Variants in OR8B3 observed in about 807,000 individuals in gnomAD.
OR8B3 encodes the protein olfactory receptor 8B3.
For synonymous variants in OR8B3, 102 were observed against 135.4 expected (o/e 0.75, Z 1.71); for missense variants, 278 against 377.6 (o/e 0.74, Z 2.19).
upstream of OR8B3, among the ~76,000 whole-genome samples, chr11:124,400,571 C>G (rs1199337009): frequency 6.6e-6 from 1 of 152,080 alleles, no homozygotes; most frequent in Admixed American, 6.6e-5. Context: ...CCAGGTCTCA[C>G]TCTGTCACCC....
At chr11:124,401,213 G>A (rs1044405215), upstream of OR8B3, among the ~76,000 whole-genome samples, 24 of 43,642 alleles carry the variant, frequency 5.5e-4, no homozygotes, top group Middle Eastern at 0.012. Flanking sequence ...TAGGGGAAAT[G>A]CAAAGAGACA....
At chr11:124,399,519 A>C (rs1291706945), upstream of OR8B3, among the ~76,000 whole-genome samples, 2 of 151,972 alleles carry the variant, frequency 1.3e-5, no homozygotes, top group African/African-American at 4.8e-5. Flanking sequence ...AAAAATCACT[A>C]TTCATGGGCC....
chr11:124,402,203 G>T (rs904137179), upstream of OR8B3, among the ~76,000 whole-genome samples: 3 of 152,106 alleles, frequency 2.0e-5, no homozygotes, highest in Non-Finnish European at 2.9e-5. Context: ...ATAACAGAAG[G>T]ATAACAAAGA....
Position 124,396,663 on chromosome 11 carries a change from G to A in OR8B3, c.689C>T (p.Ser230Phe). The change falls in exon 2 of 2, where the codon TCC becomes TTC. Residue 230 changes from serine (S) to phenylalanine (F), a missense_variant. Physicochemically the swap from Ser to Phe is radical, Grantham distance 155. Coordinates refer to ENST00000641139, the MANE Select transcript of OR8B3 (RefSeq NM_001005467.2). ...GAAGGCTTTTGATCTTCCTTGAGTG[G>A]ATTTGATATGAAGAATGCTAGTGAC... ...FIVTSILHIK[S>F]TQGRSKAFST... 6.2e-7 allele frequency: 1 copy of A among 1,612,498 alleles called. No individual in the cohort carries two copies. The highest frequency in any genetic ancestry group is 2.2e-5 in the East Asian group (1 of 44,876).
At chr11:124,402,333 T>C (rs1277856650), upstream of OR8B3, among the ~76,000 whole-genome samples, 1 of 152,238 alleles carries the variant, frequency 6.6e-6, no homozygotes, top group Non-Finnish European at 1.5e-5. Context: ...AAATCTCGAA[T>C]TATGTTAGTT....
chr11:124,396,291 T>G lies in OR8B3; in HGVS notation c.*119A>C. The G allele has an allele frequency of 1.1e-6, 1 of 911,690 alleles. No individual in the cohort carries two copies. Among genetic ancestry groups the G allele is most frequent in the East Asian group, 2.7e-5 (1 of 36,634 alleles). The allele number at this position is 911,690 out of a possible 1,614,324, so 56.5% of individuals were successfully genotyped here. On this transcript the variant is annotated 3_prime_UTR_variant, in exon 2 of 2. Transcript: ENST00000641139. ...CAAGATGATTTCATAAGAGAAATGATAAGACAAGTTTATTAAATCACACAT... is the reference window on the plus strand; with the variant it reads ...CAAGATGATTTCATAAGAGAAATGAGAAGACAAGTTTATTAAATCACACAT...
upstream of OR8B3, among the ~76,000 whole-genome samples, chr11:124,400,266 A>G (rs1403086490): frequency 2.0e-5 from 3 of 152,204 alleles, no homozygotes; most frequent in African/African-American, 4.8e-5. Context: ...TGATAAATGT[A>G]TACATCATGA....
At chr11:124,408,859 A>G in the OR8B3 span, among the ~76,000 whole-genome samples, 1 of 152,156 alleles carries the variant, frequency 6.6e-6, no homozygotes, top group Non-Finnish European at 1.5e-5. Flanking sequence ...ATTTCTGAAT[A>G]ACTTGTCTCT....
the OR8B3 span, among the ~76,000 whole-genome samples, chr11:124,409,188 G>T: frequency 5.3e-5 from 8 of 152,194 alleles, no homozygotes; most frequent in African/African-American, 1.7e-4. Flanking sequence ...AGTAATTACT[G>T]AAAAGCAATC....
chr11:124,409,120 AAT>A, the OR8B3 span, among the ~76,000 whole-genome samples: 28 of 152,184 alleles, frequency 1.8e-4, no homozygotes, highest in Non-Finnish European at 4.0e-4. Context: ...TTTCCCATTA[AAT>A]GAACTTTTTT....
At chr11:124,399,921 T>C (rs955378732), upstream of OR8B3, among the ~76,000 whole-genome samples, 7 of 151,458 alleles carry the variant, frequency 4.6e-5, no homozygotes, top group Admixed American at 4.6e-4. Context: ...CCTGCTTTGC[T>C]GCAATCACAG....
the OR8B3 span, among the ~76,000 whole-genome samples, chr11:124,405,275 C>G: frequency 6.6e-6 from 1 of 152,250 alleles, no homozygotes; most frequent in East Asian, 1.9e-4. Flanking sequence ...TCCCCAAGAC[C>G]TGAAATTCCA....
chr11:124,396,227 T>A lies in OR8B3; in HGVS notation c.*183A>T. The A allele has an allele frequency of 1.7e-6, 1 of 582,402 alleles. No homozygotes were observed. The highest frequency in any genetic ancestry group is 3.0e-6 in the Non-Finnish European group (1 of 337,956). 36.1% of individuals were successfully genotyped at this position (582,402 alleles called of 1,614,324 possible). ...AGATGCCATGACCTATTTAGTAAAATTGTGAGAAGTGCCAGAGATGCAAAA... is the reference window on the plus strand; with the variant it reads ...AGATGCCATGACCTATTTAGTAAAAATGTGAGAAGTGCCAGAGATGCAAAA... On this transcript the variant is annotated 3_prime_UTR_variant, in exon 2 of 2. Transcript: ENST00000641139.
the OR8B3 span, among the ~76,000 whole-genome samples, chr11:124,408,045 A>C: frequency 3.3e-5 from 5 of 152,168 alleles, no homozygotes; most frequent in Non-Finnish European, 5.9e-5. Flanking sequence ...GGATGCTACT[A>C]TAAATGATGT....
At position 124,397,263 on chromosome 11, in the gene OR8B3, AGGAAAAAGAGG is replaced by A; in HGVS notation, c.78_88del (p.Leu27ValfsTer40). The A allele has an allele frequency of 7.0e-7, 1 of 1,435,082 alleles. No individual in the cohort carries two copies. The highest frequency in any genetic ancestry group is 9.6e-7 in the Non-Finnish European group (1 of 1,036,622). The allele number at this position is 1,435,082 out of a possible 1,614,324, so 88.9% of individuals were successfully genotyped here. Reference sequence around the variant, plus strand: ...GGTGACAATGTAGACCACTAGAAACAGGAAAAAGAGGGGTTGCTGGAACTCTGGATGATCTG... The same window carrying A: ...GGTGACAATGTAGACCACTAGAAACAGGTTGCTGGAACTCTGGATGATCTG... On this transcript the variant is annotated frameshift_variant, in exon 2 of 2. Coordinates refer to ENST00000641139, the MANE Select transcript of OR8B3 (RefSeq NM_001005467.2). LOFTEE classifies it low-confidence loss of function (END_TRUNC).
the OR8B3 span, among the ~76,000 whole-genome samples, chr11:124,408,928 C>T: frequency 6.6e-6 from 1 of 152,232 alleles, no homozygotes; most frequent in African/African-American, 2.4e-5. Flanking sequence ...CTCTGAGCTG[C>T]TGCACAGTGC....
At position 124,396,447 on chromosome 11, in the gene OR8B3, T is replaced by G. The variant is rs1302900383; in HGVS notation, c.905A>C (p.Lys302Thr). ...RNKDVKVALR[K>T]ALIKIQRRNI... Reference sequence around the variant, plus strand: ...TCTTCTCTGAATTTTAATCAGAGCTTTCCTCAGTGCAACTTTGACATCCTT... The same window carrying G: ...TCTTCTCTGAATTTTAATCAGAGCTGTCCTCAGTGCAACTTTGACATCCTT... The change falls in exon 2 of 2, where the codon AAA (lysine) becomes ACA (threonine). Residue 302 changes from lysine (K) to threonine (T), a missense_variant. Transcript: ENST00000641139. The G allele has an allele frequency of 6.8e-6, 11 of 1,611,680 alleles. No homozygotes were observed. Among genetic ancestry groups the G allele is most frequent in the Admixed American group, 1.7e-5 (1 of 59,486 alleles).
the OR8B3 span, among the ~76,000 whole-genome samples, chr11:124,406,058 C>G: frequency 6.6e-6 from 1 of 152,144 alleles, no homozygotes; most frequent in African/African-American, 2.4e-5. Flanking sequence ...TTCCTACATG[C>G]CTTTGGGATT....
upstream of OR8B3, among the ~76,000 whole-genome samples, chr11:124,400,792 C>CCTCCCAAGGTGTAAT: frequency 6.6e-6 from 1 of 151,972 alleles, no homozygotes; most frequent in Admixed American, 6.6e-5. Context: ...CCCACCTTGG[C>CCTCCCAAGGTGTAAT]CTCCCAAGGT....
Sources: gnomAD v4.1 joint callset for allele counts (sites outside exome capture counted in the v4.1 genomes callset) on GRCh38, gnomAD v4.1.1 for gene constraint, MANE v1.5 for transcripts, NCBI Gene and HGNC (gene_info 2026-07-23, HGNC 2026-07-21) for gene names.